TFEC: variants seen among roughly 807,000 people sequenced by gnomAD.
TFEC encodes the protein class E basic helix-loop-helix protein 34.
TFEC carries 31 observed loss-of-function variants against 41.6 expected under a neutral mutation model. The observed-to-expected ratio is 0.74, with a 90% confidence interval of 0.56 to 1.01. TFEC has a LOEUF of 1.01. TFEC is among the 50% of genes least tolerant of loss of function. The pLI, the probability that TFEC is intolerant of heterozygous loss-of-function variation, is 0.00. For missense variants in TFEC, 402 were observed against 404.1 expected (o/e 0.99, Z 0.04); for synonymous variants, 143 against 140.6 (o/e 1.02, Z -0.12).
chr7:115,950,914 T>C lies in TFEC; in HGVS notation c.475A>G (p.Ile159Val), dbSNP rs778732030. Residue 159 changes from isoleucine to valine, a missense_variant, in exon 6 of 8, where the codon ATC becomes GTC. Coordinates refer to ENST00000265440, the MANE Select transcript of TFEC (RefSeq NM_012252.4). Reference protein sequence around the residue: ...RRRRYNINYRIKELGTLIPKS... With the variant: ...RRRRYNINYRVKELGTLIPKS... Reference sequence around the variant, plus strand: ...GGAATAAGAGTGCCAAGCTCCTTGATTCGGTAATTAATATTATACCTTCTT... The same window carrying C: ...GGAATAAGAGTGCCAAGCTCCTTGACTCGGTAATTAATATTATACCTTCTT... 4.4e-5 allele frequency: 71 copies of C among 1,603,836 alleles called. No individual in the cohort carries two copies. Among genetic ancestry groups the C allele is most frequent in the Non-Finnish European group, 5.8e-5 (68 of 1,173,938 alleles).
chr7:115,984,883 C>T (rs1408334000), intron 1 of TFEC, among the ~76,000 whole-genome samples: 1 of 151,962 alleles, frequency 6.6e-6, no homozygotes, highest in African/African-American at 2.4e-5. Flanking sequence ...ACATGTATTA[C>T]TTGGATTCCT....
chr7:116,078,022 T>C (rs753955744), intron 3 of TFEC, among the ~76,000 whole-genome samples: 3 of 152,070 alleles, frequency 2.0e-5, no homozygotes, highest in Non-Finnish European at 4.4e-5. Flanking sequence ...GATCATATGA[T>C]AGGCCACAAA....
Position 115,940,526 on chromosome 7 carries a change from T to C in TFEC, c.*25A>G, listed in dbSNP as rs761067812. 29 of 1,575,644 alleles carry C rather than the reference T, an allele frequency of 1.8e-5. No individual in the cohort carries two copies. Among genetic ancestry groups the C allele is most frequent in the African/African-American group, 2.7e-5 (2 of 73,794 alleles). ...GCACCAGCATAGAATTGCTTTCCAG[T>C]TGATGAATTGGGTCTGTTTATTTCT... On this transcript the variant is annotated 3_prime_UTR_variant, in exon 8 of 8. Transcript: ENST00000265440.
At chr7:115,987,190 TACA>T (rs1793898183) in intron 1 of TFEC, among the ~76,000 whole-genome samples, 1 of 152,200 alleles carries the variant, frequency 6.6e-6, no homozygotes, top group African/African-American at 2.4e-5. Flanking sequence ...AAGCTATCTG[TACA>T]ACATCTGTAA....
At chr7:115,941,618 T>C (rs1793504294) in intron 7 of TFEC, 1 of 393,804 alleles carries the variant, frequency 2.5e-6, no homozygotes. Flanking sequence ...TATATGTGTA[T>C]ATATATATAC....
At chr7:116,108,003 TGAG>T (rs1288618886) in intron 3 of TFEC, among the ~76,000 whole-genome samples, 1 of 152,182 alleles carries the variant, frequency 6.6e-6, no homozygotes, top group Non-Finnish European at 1.5e-5. Context: ...AGGATAATGA[TGAG>T]GAGGACTCAA....
rs1793428767 is a variant in TFEC, at chr7:115,940,432, G to C, written c.*119C>G. On this transcript the variant is annotated 3_prime_UTR_variant, in exon 8 of 8. Coordinates refer to ENST00000265440, the MANE Select transcript of TFEC (RefSeq NM_012252.4). ...TCTGTTGCTTCTATCAGTTTTTCAT[G>C]AACAACACATTCCTTTAAGAAAAAA... 9.0e-7 allele frequency: 1 copy of C among 1,113,004 alleles called. No individual in the cohort carries two copies. The highest frequency in any genetic ancestry group is 1.6e-5 in the African/African-American group (1 of 62,960). The allele number at this position is 1,113,004 out of a possible 1,614,324, so 68.9% of individuals were successfully genotyped here. A position where few individuals can be genotyped will look rare whatever the true frequency, so the allele number is the denominator to read the frequency against.
chr7:116,115,168 C>T (rs1368587402), intron 1 of TFEC, among the ~76,000 whole-genome samples: 10 of 152,028 alleles, frequency 6.6e-5, no homozygotes, highest in Admixed American at 6.6e-4. Context: ...CTATAATACT[C>T]ATCACAGAAG....
chr7:115,998,982 A>G (rs1794480831), intron 1 of TFEC, among the ~76,000 whole-genome samples: 1 of 151,986 alleles, frequency 6.6e-6, no homozygotes. Context: ...AAACCAAATA[A>G]ACCTAATAGA....
chr7:115,991,922 T>C (rs538130207), intron 1 of TFEC, among the ~76,000 whole-genome samples: 3 of 152,260 alleles, frequency 2.0e-5, no homozygotes, highest in African/African-American at 7.2e-5. Context: ...CAGCACCACA[T>C]TGCCCTTATT....
At chr7:116,016,869 T>A (rs1273380222) in intron 1 of TFEC, among the ~76,000 whole-genome samples, 2 of 152,082 alleles carry the variant, frequency 1.3e-5, no homozygotes, top group East Asian at 1.9e-4. Flanking sequence ...TCTCAATATT[T>A]AAAATTTATA....
At chr7:115,989,780 G>A (rs1208484598) in intron 1 of TFEC, among the ~76,000 whole-genome samples, 1 of 152,192 alleles carries the variant, frequency 6.6e-6, no homozygotes, top group African/African-American at 2.4e-5. Context: ...GCCTGCCTCT[G>A]TAGACTCCAC....
intron 3 of TFEC, among the ~76,000 whole-genome samples, chr7:116,045,631 G>A (rs1209449980): frequency 6.6e-6 from 1 of 152,258 alleles, no homozygotes; most frequent in Non-Finnish European, 1.5e-5. Context: ...CCCTCAAGGA[G>A]AACCTCTGCT....
intron 2 of TFEC, among the ~76,000 whole-genome samples, chr7:115,975,405 G>A (rs1427409634): frequency 2.6e-5 from 4 of 152,066 alleles, no homozygotes; most frequent in Non-Finnish European, 4.4e-5. Context: ...AATAGATATG[G>A]AAAAATATTT....
chr7:116,091,898 A>G (rs1797337905), intron 3 of TFEC, among the ~76,000 whole-genome samples: 1 of 152,132 alleles, frequency 6.6e-6, no homozygotes, highest in Non-Finnish European at 1.5e-5. Flanking sequence ...AGATATATAT[A>G]CTATTCATCC....
rs950542497 is a variant in TFEC, at chr7:115,937,233, T to C, written c.*3318A>G. 1.9e-4 allele frequency: 29 copies of C among 151,838 alleles called. No homozygotes were observed. The highest frequency in any genetic ancestry group is 6.7e-4 in the African/African-American group (28 of 41,530). The allele number at this position is 151,838 out of a possible 1,614,324, so 9.4% of individuals were successfully genotyped here. A position where few individuals can be genotyped will look rare whatever the true frequency, so the allele number is the denominator to read the frequency against. On this transcript the variant is annotated 3_prime_UTR_variant, in exon 8 of 8. Transcript: ENST00000265440. ...TTTTATTATAATTGTAATTATGAAT[T>C]AAATCTTTAAATGAAAAGGGATAAT...
intron 1 of TFEC, among the ~76,000 whole-genome samples, chr7:115,990,338 C>T (rs536938638): frequency 3.9e-5 from 6 of 152,148 alleles, no homozygotes; most frequent in Non-Finnish European, 8.8e-5. Flanking sequence ...CAAAGGAGCG[C>T]GGCTCCTCAC....
At chr7:116,117,054 T>A (rs1191343738) in intron 1 of TFEC, among the ~76,000 whole-genome samples, 2 of 151,916 alleles carry the variant, frequency 1.3e-5, no homozygotes, top group African/African-American at 4.8e-5. Flanking sequence ...GTGGAGCATT[T>A]GCCATCCTTG....
intron 3 of TFEC, among the ~76,000 whole-genome samples, chr7:116,096,935 C>G (rs1461355597): frequency 6.6e-6 from 1 of 151,806 alleles, no homozygotes; most frequent in East Asian, 1.9e-4. Flanking sequence ...ACTAAAAATA[C>G]AAAAATTAGC....
Sources: gnomAD v4.1 joint callset for allele counts (sites outside exome capture counted in the v4.1 genomes callset) on GRCh38, gnomAD v4.1.1 for gene constraint, MANE v1.5 for transcripts, NCBI Gene and HGNC (gene_info 2026-07-23, HGNC 2026-07-21) for gene names.